The following ZGRF1 variants were observed in gnomAD, a reference collection of about 807,000 sequenced individuals.
ZGRF1 encodes 5'-3' DNA helicase ZGRF1.
A neutral mutation model predicts 203.5 loss-of-function variants in ZGRF1; 196 were observed. That is an observed-to-expected ratio of 0.96 (90% confidence interval 0.86 to 1.08). ZGRF1 has a LOEUF of 1.08. Among genes scored for constraint, ZGRF1 ranks in the 50% least tolerant of loss-of-function variants. The pLI is 0.00. For missense variants in ZGRF1, 2,326 were observed against 2,416.3 expected, an observed-to-expected ratio of 0.96 and a Z score of 0.78; for synonymous variants, 809 against 841.3, an observed-to-expected ratio of 0.96 and a Z score of 0.66.
At chr4:112,550,055 T>A (rs1036635983) in intron 22 of ZGRF1, among the ~76,000 whole-genome samples, 1 of 151,942 alleles carries the variant, frequency 6.6e-6, no homozygotes, top group South Asian at 2.1e-4. Context: ...TAGCCGGGCG[T>A]GGTGGCGGTG....
intron 4 of ZGRF1, among the ~76,000 whole-genome samples, chr4:112,622,707 A>T (rs2047102746): frequency 6.6e-6 from 1 of 152,154 alleles, no homozygotes; most frequent in South Asian, 2.1e-4. Flanking sequence ...TGAACCCAGA[A>T]TGACCAACTT....
intron 11 of ZGRF1, 156 bp downstream of exon 11, chr4:112,589,568 G>T: frequency 4.6e-6 from 3 of 645,406 alleles, no homozygotes; most frequent in Non-Finnish European, 8.1e-6. Context: ...AGCTATCTAT[G>T]ATAGAAAAAG....
Position 112,616,806 on chromosome 4 carries a change from C to T in ZGRF1, c.2602+634G>A, listed in dbSNP as rs143214512. Among the ~76,000 whole-genome samples, 801 of 149,626 alleles carry T rather than the reference C, an allele frequency of 5.4e-3. 6 individuals are homozygous for T. Among genetic ancestry groups the T allele is most frequent in the African/African-American group, 0.018 (745 of 40,522 alleles). ...GAGCCGAGATCGCGCCACTGCACTG[C>T]AGCCTGGACGACAAGAGTGAAACTG... On this transcript the variant is annotated intron_variant, in intron 6 of 27. Coordinates refer to ENST00000505019, the MANE Select transcript of ZGRF1 (RefSeq NM_018392.5).
Position 112,589,697 on chromosome 4 carries a change from A to G in ZGRF1, c.3127+27T>C, listed in dbSNP as rs79212850. 1.3e-3 allele frequency: 2,086 copies of G among 1,599,552 alleles called. 31 individuals are homozygous for G. The African/African-American group carries it at 0.021, about 16-fold the overall frequency. On this transcript the variant is annotated intron_variant, in intron 11 of 27. Transcript: ENST00000505019. ...AACTTCATCTTAAATGAATAGACAG[A>G]TATTAGAGCAATGTGGTAACGACTA...
At chr4:112,634,836 G>A (rs1026655123) in intron 1 of ZGRF1, among the ~76,000 whole-genome samples, 1 of 151,982 alleles carries the variant, frequency 6.6e-6, no homozygotes, top group Non-Finnish European at 1.5e-5. Context: ...CTGCCTTTCA[G>A]AAATATAACT....
At chr4:112,607,301 T>A (rs1359506112) in intron 8 of ZGRF1, among the ~76,000 whole-genome samples, 1 of 152,116 alleles carries the variant, frequency 6.6e-6, no homozygotes, top group Non-Finnish European at 1.5e-5. Flanking sequence ...TATTTTTATT[T>A]AAAAAAATTT....
chr4:112,588,297 C>G (rs1237436952), intron 11 of ZGRF1, among the ~76,000 whole-genome samples: 1 of 152,142 alleles, frequency 6.6e-6, no homozygotes, highest in East Asian at 1.9e-4. Flanking sequence ...AAAGGCTTAG[C>G]AGTAGCATAA....
chr4:112,627,254 G>C (rs2047268188), intron 3 of ZGRF1, among the ~76,000 whole-genome samples: 1 of 152,090 alleles, frequency 6.6e-6, no homozygotes, highest in Non-Finnish European at 1.5e-5. Context: ...CTATATCCAA[G>C]ATCTAAGAGG....
chr4:112,565,891 T>G (rs1053647504), intron 16 of ZGRF1, among the ~76,000 whole-genome samples: 1 of 152,234 alleles, frequency 6.6e-6, no homozygotes, highest in East Asian at 1.9e-4. Context: ...ACTTTTACAC[T>G]GTTGGTGGGA....
rs1352658682 is a variant in ZGRF1 at position 112,617,450 on chromosome 4, G to A, written c.2592C>T (p.Ser864=). The A allele has an allele frequency of 1.9e-6, 3 of 1,545,558 alleles. No individual in the cohort carries two copies. Among genetic ancestry groups the A allele is most frequent in the Admixed American group, 4.3e-5 (2 of 46,228 alleles). ...ACATGCAATTCTAACCTTCAGGAGG[G>A]CTATCTGGCTCATACGTCTGTTGAG... The part of the protein sequence containing the change: ...QGTQQTYEPD[S]PPEVRKPFIT... The change falls in exon 6 of 28, where the codon AGC becomes AGT. Residue 864 remains serine, a synonymous_variant. Transcript: ENST00000505019.
chr4:112,559,090 C>T (rs1295374001), intron 19 of ZGRF1, among the ~76,000 whole-genome samples: 1 of 152,192 alleles, frequency 6.6e-6, no homozygotes, highest in Non-Finnish European at 1.5e-5. Context: ...ATAAGGTAGG[C>T]ACAGGGGTAA....
chr4:112,632,404 T>C (rs2047441081), intron 2 of ZGRF1, among the ~76,000 whole-genome samples: 1 of 152,212 alleles, frequency 6.6e-6, no homozygotes, highest in Non-Finnish European at 1.5e-5. Context: ...ACTAATAATC[T>C]GTGCAGTTCT....
rs1279689281 is a variant in ZGRF1 at position 112,604,757 on chromosome 4, G to C, written c.2803-1060C>G. Reference sequence around the variant, plus strand: ...TTAGACAGGCTCTTTCACTCAGTCTGTTTTCAGGCTTCAAATGGCTTTCTC... The same window carrying C: ...TTAGACAGGCTCTTTCACTCAGTCTCTTTTCAGGCTTCAAATGGCTTTCTC... On this transcript the variant is annotated intron_variant, in intron 9 of 27. Transcript: ENST00000505019. Among the ~76,000 whole-genome samples, 9 of 152,272 alleles carry C rather than the reference G, an allele frequency of 5.9e-5. 1 individual carries two copies. In the East Asian group the frequency reaches 1.5e-3, roughly 26 times the overall value.
At chr4:112,574,913 C>G (rs1304581351) in intron 16 of ZGRF1, among the ~76,000 whole-genome samples, 1 of 151,906 alleles carries the variant, frequency 6.6e-6, no homozygotes, top group Non-Finnish European at 1.5e-5. Context: ...GTAATCCCAC[C>G]TACTCGGGAG....
intron 16 of ZGRF1, among the ~76,000 whole-genome samples, chr4:112,569,580 G>A (rs1033653423): frequency 6.6e-6 from 1 of 152,004 alleles, no homozygotes; most frequent in African/African-American, 2.4e-5. Flanking sequence ...AGGGATGTGG[G>A]TGCTTTCTAA....
chr4:112,546,434 GTTTTT>G (rs960590472), intron 24 of ZGRF1, among the ~76,000 whole-genome samples: 1 of 151,916 alleles, frequency 6.6e-6, no homozygotes, highest in Non-Finnish European at 1.5e-5. Context: ...AGAAAAAAAA[GTTTTT>G]TTTAAGAAAT....
chr4:112,606,013 G>C lies in ZGRF1; in HGVS notation c.2797C>G (p.Pro933Ala). Residue 933 changes from proline to alanine, a missense_variant, in exon 9 of 28, where the codon CCT becomes GCT. By Grantham distance (27) the Pro-to-Ala change is conservative. Transcript: ENST00000505019. ...ATGTTCTTCACAAATTTTACCTTAG[G>C]GTCACAGGTTTTTCTCTCTATTTGT... is the stretch of plus-strand genomic sequence containing the variant. Reference protein sequence around the residue: ...PKQIERKTCDPKPVEFQGHQV... With the variant: ...PKQIERKTCDAKPVEFQGHQV... 2 of 1,584,320 alleles carry C rather than the reference G, an allele frequency of 1.3e-6. No homozygotes were observed. Among genetic ancestry groups the C allele is most frequent in the African/African-American group, 1.4e-5 (1 of 73,922 alleles).
chr4:112,561,756 T>G (rs1742020469), intron 18 of ZGRF1, among the ~76,000 whole-genome samples: 2 of 152,088 alleles, frequency 1.3e-5, no homozygotes, highest in Non-Finnish European at 2.9e-5. Flanking sequence ...CTTTAAATGT[T>G]AAATAATTTG....
In ZGRF1 at chr4:112,619,198, G is replaced by C. The variant is rs2046985145; in HGVS notation, c.844C>G (p.Gln282Glu). ...SEMTEHFPQKQPQGSLKIATK... is the reference protein window; with the variant it reads ...SEMTEHFPQKEPQGSLKIATK... ...GCAATTTTTAAACTTCCTTGTGGTT[G>C]TTTTTGAGGAAAATGCTCTGTCATC... The change falls in exon 6 of 28, where the codon CAA (glutamine) becomes GAA (glutamate). Residue 282 changes from glutamine (Q) to glutamate (E), a missense_variant. Gln to Glu is a conservative substitution (Grantham distance 29). Coordinates refer to ENST00000505019, the MANE Select transcript of ZGRF1 (RefSeq NM_018392.5). 6.2e-7 allele frequency: 1 copy of C among 1,613,270 alleles called. No individual in the cohort carries two copies. The highest frequency in any genetic ancestry group is 2.2e-5 in the East Asian group (1 of 44,864).
Sources: gnomAD v4.1 joint callset for allele counts (sites outside exome capture counted in the v4.1 genomes callset) on GRCh38, gnomAD v4.1.1 for gene constraint, MANE v1.5 for transcripts, NCBI Gene and HGNC (gene_info 2026-07-23, HGNC 2026-07-21) for gene names.